BRINP3: variants seen among roughly 807,000 people sequenced by gnomAD.
The protein encoded by BRINP3 is BMP/retinoic acid inducible neural specific 3, also known as BMP/retinoic acid-inducible neural-specific protein 3.
In BRINP3, 19 loss-of-function variants were observed where a neutral mutation model predicts 71.0. The observed-to-expected ratio is 0.27, with a 90% CI of 0.19 to 0.39. BRINP3 has a LOEUF of 0.39. Ranked by LOEUF, BRINP3 falls within the 10% of genes least tolerant of loss-of-function variation. BRINP3 has a pLI of 1.00. For synonymous variants in BRINP3, 380 were observed against 337.7 expected (o/e 1.13, Z -1.37); for missense variants, 959 against 940.8 (o/e 1.02, Z -0.25).
chr1:190,226,981 G>T (rs1477598543), intron 5 of BRINP3, among the ~76,000 whole-genome samples: 1 of 151,810 alleles, frequency 6.6e-6, no homozygotes, highest in Non-Finnish European at 1.5e-5. Context: ...TAGTAAAGTT[G>T]CTATCTCTTA....
In BRINP3 at chr1:190,107,187, T is replaced by C. The variant is rs576362146; in HGVS notation, c.1185-8053A>G. 4.5e-4 allele frequency among the ~76,000 whole-genome samples: 69 copies of C among 152,120 alleles called. 2 individuals carry two copies. The South Asian group carries it at 0.014, about 31-fold the overall frequency. On this transcript the variant is annotated intron_variant, in intron 7 of 7. Transcript: ENST00000367462. ...TTGGATGACATCCTAATACCTTTCA[T>C]ATAAAAATATAAATTATTTTGAAGC...
At chr1:190,470,802 G>A (rs1405068501) in intron 1 of BRINP3, among the ~76,000 whole-genome samples, 2 of 150,812 alleles carry the variant, frequency 1.3e-5, no homozygotes, top group Admixed American at 6.6e-5. Context: ...TAATCCAATC[G>A]ACTCATTATA....
At chr1:190,473,625 T>C (rs10920726) in intron 1 of BRINP3, among the ~76,000 whole-genome samples, 28,496 of 149,830 alleles carry the variant, frequency 0.19, 2,805 homozygotes, top group Middle Eastern at 0.22. Context: ...ATATCAATAA[T>C]AATAACAAAG....
At chr1:190,259,868 A>C (rs1302328646) in intron 4 of BRINP3, among the ~76,000 whole-genome samples, 1 of 151,742 alleles carries the variant, frequency 6.6e-6, no homozygotes, top group East Asian at 1.9e-4. Context: ...GTCTCTACTT[A>C]AAATACAAAA....
At chr1:190,116,039 G>C (rs1653108002) in intron 7 of BRINP3, among the ~76,000 whole-genome samples, 1 of 151,984 alleles carries the variant, frequency 6.6e-6, no homozygotes, top group African/African-American at 2.4e-5. Flanking sequence ...ACTTACGATA[G>C]ACACATTCAT....
intron 2 of BRINP3, among the ~76,000 whole-genome samples, chr1:190,298,429 GA>G (rs1299703724): frequency 6.6e-6 from 1 of 150,728 alleles, no homozygotes; most frequent in African/African-American, 2.4e-5. Context: ...TTATTGGTTT[GA>G]TTTTTTTTTT....
chr1:190,304,774 A>C (rs1664979543), intron 2 of BRINP3, among the ~76,000 whole-genome samples: 1 of 151,970 alleles, frequency 6.6e-6, no homozygotes, highest in African/African-American at 2.4e-5. Flanking sequence ...GATTACATGA[A>C]AGTAAAAAGC....
In BRINP3 at chr1:190,406,806, A is replaced by AT. The variant is rs1412288759; in HGVS notation, c.236+47848dup. 1.8e-4 allele frequency among the ~76,000 whole-genome samples: 27 copies of AT among 152,312 alleles called. No individual in the cohort carries two copies. The East Asian group carries it at 4.2e-3, about 24-fold the overall frequency. The stretch of plus-strand genomic sequence containing the variant: ...ATTTCAAATAAATAATTATAAGATT[A>AT]TTTAATAATGAATTTAGTTACCTTT... On this transcript the variant is annotated intron_variant, in intron 2 of 7. Coordinates refer to ENST00000367462, the MANE Select transcript of BRINP3 (RefSeq NM_199051.3).
At chr1:190,280,513 G>A (rs1462865451) in intron 3 of BRINP3, among the ~76,000 whole-genome samples, 1 of 151,838 alleles carries the variant, frequency 6.6e-6, no homozygotes, top group African/African-American at 2.4e-5. Flanking sequence ...GAGCAGGTGA[G>A]GAAAGAGTTT....
At chr1:190,257,557 C>T (rs1001192333) in intron 4 of BRINP3, among the ~76,000 whole-genome samples, 1 of 152,142 alleles carries the variant, frequency 6.6e-6, no homozygotes, top group Admixed American at 6.6e-5. Flanking sequence ...AGAAGAGGTG[C>T]TCTGGTTTTC....
At chr1:190,299,661 C>A (rs1047619526) in intron 2 of BRINP3, among the ~76,000 whole-genome samples, 1 of 146,888 alleles carries the variant, frequency 6.8e-6, no homozygotes, top group Non-Finnish European at 1.5e-5. Flanking sequence ...TCAATTCCCA[C>A]CTATGAGTGA....
chr1:190,126,014 A>G (rs1469779776), intron 7 of BRINP3, among the ~76,000 whole-genome samples: 3 of 151,920 alleles, frequency 2.0e-5, no homozygotes, highest in Non-Finnish European at 4.4e-5. Flanking sequence ...AGTGTGAAAA[A>G]TACTCGTATC....
At chr1:190,338,197 G>C (rs188780653) in intron 2 of BRINP3, among the ~76,000 whole-genome samples, 5 of 152,134 alleles carry the variant, frequency 3.3e-5, no homozygotes, top group African/African-American at 1.2e-4. Flanking sequence ...CAATGCGAAT[G>C]ACATCTTTTC....
intron 2 of BRINP3, among the ~76,000 whole-genome samples, chr1:190,330,342 A>G (rs1295808020): frequency 6.6e-6 from 1 of 152,102 alleles, no homozygotes. Context: ...ACACCTCTTA[A>G]AAGAAGACAT....
chr1:190,208,917 C>A (rs1270060201), intron 6 of BRINP3, among the ~76,000 whole-genome samples: 1 of 152,056 alleles, frequency 6.6e-6, no homozygotes. Flanking sequence ...AAAATACAAT[C>A]ATAACATTAA....
At chr1:190,122,349 G>T in intron 7 of BRINP3, among the ~76,000 whole-genome samples, 1 of 152,004 alleles carries the variant, frequency 6.6e-6, no homozygotes, top group African/African-American at 2.4e-5. Context: ...ATCTTATTTG[G>T]AAATAGGGTC....
intron 2 of BRINP3, among the ~76,000 whole-genome samples, chr1:190,416,111 A>G (rs1385305328): frequency 6.6e-6 from 1 of 152,094 alleles, no homozygotes; most frequent in Non-Finnish European, 1.5e-5. Context: ...TAATTAAGTG[A>G]TGATTACCTT....
intron 6 of BRINP3, among the ~76,000 whole-genome samples, chr1:190,165,854 A>G (rs2488477): frequency 0.61 from 93,347 of 151,906 alleles, 30,064 homozygotes; most frequent in African/African-American, 0.83. Flanking sequence ...GAAATTCCAG[A>G]CAGTGTCCTG....
intron 6 of BRINP3, among the ~76,000 whole-genome samples, chr1:190,178,854 A>T (rs1022814402): frequency 1.3e-5 from 2 of 152,180 alleles, no homozygotes; most frequent in African/African-American, 4.8e-5. Context: ...AAGAACTATA[A>T]GGGAGGTAAT....
Sources: gnomAD v4.1 joint callset for allele counts (sites outside exome capture counted in the v4.1 genomes callset) on GRCh38, gnomAD v4.1.1 for gene constraint, MANE v1.5 for transcripts, NCBI Gene and HGNC (gene_info 2026-07-23, HGNC 2026-07-21) for gene names.